Variants in SCLY observed in about 807,000 individuals in gnomAD.
The protein encoded by SCLY is putative selenocysteine lyase.
SCLY carries 38 observed loss-of-function variants against 50.1 expected under a neutral mutation model. That is an observed-to-expected ratio of 0.76 (90% CI 0.59 to 0.99). The LOEUF is 0.99. Among genes scored for constraint, SCLY ranks in the 50% least tolerant of loss-of-function variants. SCLY has a pLI of 0.00. For synonymous variants in SCLY, 243 were observed against 249.4 expected, an observed-to-expected ratio of 0.97 and a Z score of 0.24; for missense variants, 600 against 620.0, an observed-to-expected ratio of 0.97 and a Z score of 0.34.
At chr2:238,084,892 T>G (rs1480945564) in intron 7 of SCLY, among the ~76,000 whole-genome samples, 1 of 17,154 alleles carries the variant, frequency 5.8e-5, no homozygotes, top group Non-Finnish European at 1.1e-4. Flanking sequence ...AGACTCCATC[T>G]CAAAAAAAAA....
At chr2:238,091,740 C>T in intron 8 of SCLY, 2 of 169,288 alleles carry the variant, frequency 1.2e-5, no homozygotes, top group Admixed American at 1.2e-4. Context: ...GCAGGCTGCT[C>T]CCTCACTGTG....
intron 10 of SCLY, 125 bp downstream of exon 10, chr2:238,094,647 G>GGCCTT: frequency 1.2e-6 from 1 of 811,696 alleles, no homozygotes; most frequent in South Asian, 1.6e-5. Flanking sequence ...GCTGTCAGAG[G>GGCCTT]GCCTTGCTGG....
chr2:238,075,598 CAG>C (rs1011570197), intron 4 of SCLY, among the ~76,000 whole-genome samples: 12 of 152,180 alleles, frequency 7.9e-5, no homozygotes, highest in African/African-American at 2.9e-4. Context: ...GAGTCATTTT[CAG>C]TTGTTTGTGT....
chr2:238,071,148 G>C (rs961041465), intron 4 of SCLY, among the ~76,000 whole-genome samples: 1 of 151,998 alleles, frequency 6.6e-6, no homozygotes, highest in African/African-American at 2.4e-5. Flanking sequence ...CCAGCCTCTG[G>C]TACCTTTTTT....
intron 10 of SCLY, 191 bp downstream of exon 10, chr2:238,094,713 T>C (rs1053055620): frequency 2.3e-5 from 13 of 567,428 alleles, no homozygotes; most frequent in Non-Finnish European, 3.1e-5. Flanking sequence ...CTCTCGCCGC[T>C]GGCCCCTCCT....
intron 8 of SCLY, 98 bp from the exon 9 acceptor site, chr2:238,093,763 A>G: frequency 1.8e-6 from 2 of 1,088,250 alleles, no homozygotes; most frequent in South Asian, 1.4e-5. Flanking sequence ...CAGGAGAATG[A>G]GCAGTTTCAG....
chr2:238,078,743 AGTGCAGTG>A (rs1475983867), intron 4 of SCLY: 2 of 147,546 alleles, frequency 1.4e-5, no homozygotes, highest in Non-Finnish European at 1.5e-5. Flanking sequence ...CCCAAGCTGG[AGTGCAGTG>A]GTGCAATCTT....
At chr2:238,075,407 G>A (rs1291139458) in intron 4 of SCLY, among the ~76,000 whole-genome samples, 3 of 152,148 alleles carry the variant, frequency 2.0e-5, no homozygotes, top group Admixed American at 1.3e-4. Context: ...CATGGGAAGT[G>A]TTCCCTCCTG....
At position 238,067,134 on chromosome 2, in the gene SCLY, G is replaced by T. The variant is rs373693041; in HGVS notation, c.203-931G>T. Among the ~76,000 whole-genome samples the T allele has an allele frequency of 2.0e-5, 3 of 152,078 alleles. No individual in the cohort carries two copies. The highest frequency in any genetic ancestry group is 7.2e-5 in the African/African-American group (3 of 41,402). On this transcript the variant is annotated intron_variant, in intron 2 of 11. Transcript: ENST00000254663. This position sits in a 1 kb window ranked among gnomAD's most constrained non-coding sequence, Gnocchi z 4.3. Reference sequence around the variant, plus strand: ...TGAGAGAGGGAAGGCTGAGAGTGAGGGTGACAGTTTATTACGGTGACTTTT... The same window carrying T: ...TGAGAGAGGGAAGGCTGAGAGTGAGTGTGACAGTTTATTACGGTGACTTTT...
chr2:238,073,141 C>T (rs555053421), intron 4 of SCLY, among the ~76,000 whole-genome samples: 1 of 152,142 alleles, frequency 6.6e-6, no homozygotes, highest in Non-Finnish European at 1.5e-5. Context: ...ATGGTCTTGG[C>T]ACCCTTATTG....
chr2:238,094,547 T>C (rs745503725), intron 10 of SCLY, 25 bp downstream of exon 10: 17 of 1,578,580 alleles, frequency 1.1e-5, no homozygotes, highest in Admixed American at 1.7e-5. Flanking sequence ...CCCTGGTCTT[T>C]CCGAGTGTGA....
intron 9 of SCLY, 49 bp downstream of exon 9, chr2:238,093,993 AG>A (rs1559252009): frequency 6.5e-7 from 1 of 1,527,866 alleles, no homozygotes; most frequent in East Asian, 2.3e-5. Context: ...TGCGTGGGGC[AG>A]GTGCCCAGAG....
intron 7 of SCLY, among the ~76,000 whole-genome samples, chr2:238,086,785 C>T (rs1427943276): frequency 4.7e-5 from 7 of 149,594 alleles, no homozygotes; most frequent in Non-Finnish European, 8.9e-5. Context: ...TTTGGGAGGC[C>T]AAGGCCGGTG....
In SCLY at chr2:238,082,075, G is replaced by T. The variant is rs151214628; in HGVS notation, c.643G>T (p.Ala215Ser). ...PVPEISQRIK[A>S]LNQERVAAGL... ...CCCTGAAATCAGTCAGCGCATTAAA[G>T]CCCTGAACCAGGAACGGGTGGCAGC... The change falls in exon 6 of 12, where the codon GCC becomes TCC. Residue 215 changes from alanine to serine, a missense_variant. By Grantham distance (99) the Ala-to-Ser change is moderately conservative. Coordinates refer to ENST00000254663, the MANE Select transcript of SCLY (RefSeq NM_016510.7). 1,380 of 1,613,924 alleles carry T rather than the reference G, an allele frequency of 8.6e-4. No homozygotes were observed. Among genetic ancestry groups the T allele is most frequent in the Non-Finnish European group, 1.0e-3 (1,198 of 1,179,994 alleles).
chr2:238,094,248 C>G, intron 9 of SCLY, 172 bp from the exon 10 acceptor site: 1 of 641,374 alleles, frequency 1.6e-6, no homozygotes, highest in South Asian at 1.9e-5. Context: ...TTTGGTTTTT[C>G]TCCTAATTAA....
intron 4 of SCLY, among the ~76,000 whole-genome samples, chr2:238,076,868 C>CCTAGGAT (rs2065180328): frequency 6.6e-6 from 1 of 151,742 alleles, no homozygotes; most frequent in South Asian, 2.1e-4. Flanking sequence ...TATTTTGTGG[C>CCTAGGAT]CTAGGATGTA....
intron 1 of SCLY, 32 bp from the exon 2 acceptor site, chr2:238,064,325 C>T (rs772176125): frequency 1.4e-6 from 2 of 1,454,884 alleles, no homozygotes; most frequent in Admixed American, 3.8e-5. Flanking sequence ...TCTCCTTTTC[C>T]TTAATGGGTG....
chr2:238,067,974 C>T lies in SCLY; in HGVS notation c.203-91C>T, dbSNP rs1283087449. The T allele has an allele frequency of 1.6e-5, 15 of 920,292 alleles. No individual in the cohort carries two copies. Among genetic ancestry groups the T allele is most frequent in the Admixed American group, 2.3e-5 (1 of 43,038 alleles). The allele number at this position is 920,292 out of a possible 1,614,324, so 57.0% of individuals were successfully genotyped here. On this transcript the variant is annotated intron_variant, in intron 2 of 11. Coordinates refer to ENST00000254663, the MANE Select transcript of SCLY (RefSeq NM_016510.7). The surrounding 1 kb of genome is among the most constrained non-coding windows in gnomAD (Gnocchi z 4.3). ...TTGTCTTAGAACGGCCCACGCAGAC[C>T]TCTTATTCCTTTGTATTTGGTTGTC...
chr2:238,085,436 C>T (rs2065283736), intron 7 of SCLY, among the ~76,000 whole-genome samples: 1 of 151,416 alleles, frequency 6.6e-6, no homozygotes, highest in Non-Finnish European at 1.5e-5. Context: ...AGTGGGTCTT[C>T]GGCTGGGTGC....
Sources: gnomAD v4.1 joint callset for allele counts (sites outside exome capture counted in the v4.1 genomes callset) on GRCh38, gnomAD v4.1.1 for gene constraint, Gnocchi (gnomAD v3.1) non-coding constraint, MANE v1.5 for transcripts, NCBI Gene and HGNC (gene_info 2026-07-23, HGNC 2026-07-21) for gene names.